Variants in ROBO1 observed in about 807,000 individuals in gnomAD.
ROBO1 encodes the protein roundabout homolog 1.
Under a neutral mutation model 195.9 loss-of-function variants are expected in ROBO1, and 149 were observed. That is an observed-to-expected ratio of 0.76 (90% confidence interval 0.67 to 0.87). The LOEUF is 0.87. Ranked by LOEUF, ROBO1 falls within the 40% of genes least tolerant of loss-of-function variation. The pLI is 0.00. For missense variants in ROBO1, 1,933 were observed against 2,068.3 expected, an observed-to-expected ratio of 0.93 and a Z score of 1.27; for synonymous variants, 816 against 733.2, an observed-to-expected ratio of 1.11 and a Z score of -1.82.
chr3:78,752,174 T>A (rs200013839), intron 4 of ROBO1, among the ~76,000 whole-genome samples: 19 of 151,970 alleles, frequency 1.3e-4, no homozygotes, highest in Non-Finnish European at 2.4e-4. Flanking sequence ...TACATAGTCA[T>A]AGTACAGAAA....
At chr3:78,976,238 C>T (rs968576905) in intron 3 of ROBO1, among the ~76,000 whole-genome samples, 1 of 152,122 alleles carries the variant, frequency 6.6e-6, no homozygotes, top group African/African-American at 2.4e-5. Context: ...GATCTTCATC[C>T]TATACTATGC....
chr3:78,953,873 G>A (rs1247606716), intron 3 of ROBO1, among the ~76,000 whole-genome samples: 2 of 151,960 alleles, frequency 1.3e-5, no homozygotes, highest in African/African-American at 4.8e-5. Flanking sequence ...ATATTACATT[G>A]ATCCATGAGT....
At chr3:78,930,240 GAAGTAAA>G (rs1420330606) in intron 4 of ROBO1, among the ~76,000 whole-genome samples, 1 of 152,132 alleles carries the variant, frequency 6.6e-6, no homozygotes, top group Non-Finnish European at 1.5e-5. Flanking sequence ...CATCACACAG[GAAGTAAA>G]ATATTTCTGA....
rs763695033 is a variant in ROBO1 at position 79,345,190 on chromosome 3, G to T, written c.89-219651C>A. On this transcript the variant is annotated intron_variant, in intron 2 of 30. Coordinates refer to ENST00000464233, the MANE Select transcript of ROBO1 (RefSeq NM_002941.4). ...TTCTTTCAACTGGGTACATTTCAGT[G>T]TATTTGAAATGTGTACACTAAAACA... Among the ~76,000 whole-genome samples, 4 of 152,174 alleles carry T rather than the reference G, an allele frequency of 2.6e-5. No homozygotes were observed. In the East Asian group the frequency reaches 7.7e-4, roughly 29 times the overall value.
intron 1 of ROBO1, among the ~76,000 whole-genome samples, chr3:79,691,682 C>T (rs989950760): frequency 2.0e-5 from 3 of 151,970 alleles, no homozygotes; most frequent in African/African-American, 7.2e-5. Context: ...TGTTAACCAG[C>T]TTCTTGCTAA....
chr3:79,100,297 A>G (rs1470774528), intron 3 of ROBO1, among the ~76,000 whole-genome samples: 1 of 151,822 alleles, frequency 6.6e-6, no homozygotes, highest in East Asian at 1.9e-4. Context: ...TGAGATAGTT[A>G]TTTCTCTCTT....
intron 2 of ROBO1, among the ~76,000 whole-genome samples, chr3:79,535,333 C>T (rs931813070): frequency 6.6e-6 from 1 of 152,058 alleles, no homozygotes; most frequent in Admixed American, 6.6e-5. Flanking sequence ...TGCAGATGTC[C>T]CTCCTCTAAA....
chr3:79,330,912 A>G (rs1014403196), intron 2 of ROBO1, among the ~76,000 whole-genome samples: 1 of 152,126 alleles, frequency 6.6e-6, no homozygotes, highest in African/African-American at 2.4e-5. Context: ...GGATTATATG[A>G]GCCCTCTGTG....
At chr3:79,554,365 C>A (rs144300575) in intron 2 of ROBO1, among the ~76,000 whole-genome samples, 73 of 151,976 alleles carry the variant, frequency 4.8e-4, no homozygotes, top group Admixed American at 1.4e-3. Flanking sequence ...ATAAGCAAAG[C>A]ACAAATAAAA....
Position 78,659,781 on chromosome 3 carries a change from T to C in ROBO1, c.2347A>G (p.Thr783Ala). Residue 783 changes from threonine (T) to alanine (A), a missense_variant, in exon 17 of 31, where the codon ACT becomes GCT. Coordinates refer to ENST00000464233, the MANE Select transcript of ROBO1 (RefSeq NM_002941.4). Reference sequence around the variant, plus strand: ...CCGTTTCCATCATTCTTGGATACAGTTACACCTTGGGGTGGGGCACTGGGT... The same window carrying C: ...CCGTTTCCATCATTCTTGGATACAGCTACACCTTGGGGTGGGGCACTGGGT... ...EAPSAPPQGV[T>A]VSKNDGNGTA... 1 of 1,604,856 alleles carries C rather than the reference T, an allele frequency of 6.2e-7. No individual in the cohort carries two copies. Among genetic ancestry groups the C allele is most frequent in the African/African-American group, 1.3e-5 (1 of 74,914 alleles).
intron 2 of ROBO1, among the ~76,000 whole-genome samples, chr3:79,559,684 T>C (rs1942835238): frequency 6.6e-6 from 1 of 152,060 alleles, no homozygotes; most frequent in Non-Finnish European, 1.5e-5. Context: ...TTTGGGAGGT[T>C]GAGGCGGGCA....
chr3:79,460,491 A>G (rs545987350), intron 2 of ROBO1, among the ~76,000 whole-genome samples: 1 of 152,326 alleles, frequency 6.6e-6, no homozygotes, highest in African/African-American at 2.4e-5. Flanking sequence ...CACAGTGAGG[A>G]ATAAACCAGA....
chr3:78,738,416 T>C (rs1559802466), intron 5 of ROBO1, among the ~76,000 whole-genome samples: 1 of 152,188 alleles, frequency 6.6e-6, no homozygotes, highest in Non-Finnish European at 1.5e-5. Flanking sequence ...TTTGTTTTGT[T>C]TTTTACTGCA....
At chr3:78,628,966 A>G (rs955403739) in intron 25 of ROBO1, among the ~76,000 whole-genome samples, 8 of 152,190 alleles carry the variant, frequency 5.3e-5, no homozygotes, top group African/African-American at 1.4e-4. Context: ...TATGCATCAC[A>G]TGCTGGCTAT....
intron 2 of ROBO1, among the ~76,000 whole-genome samples, chr3:79,478,912 T>A (rs753192061): frequency 9.2e-5 from 14 of 152,276 alleles, no homozygotes; most frequent in Middle Eastern, 3.4e-3. Flanking sequence ...CTGAATTAAC[T>A]AAAATCCAGA....
chr3:78,788,874 A>T (rs1040333383), intron 4 of ROBO1, among the ~76,000 whole-genome samples: 4 of 152,208 alleles, frequency 2.6e-5, no homozygotes, highest in African/African-American at 9.6e-5. Context: ...CATAATTTTT[A>T]AAATACATCT....
chr3:78,947,487 C>T (rs1178614902), intron 3 of ROBO1, among the ~76,000 whole-genome samples: 2 of 152,120 alleles, frequency 1.3e-5, no homozygotes, highest in East Asian at 1.9e-4. Flanking sequence ...AGAACAAAGT[C>T]ACAACATACC....
chr3:79,370,457 C>T (rs959898067), intron 2 of ROBO1, among the ~76,000 whole-genome samples: 29 of 151,942 alleles, frequency 1.9e-4, no homozygotes, highest in African/African-American at 6.5e-4. Context: ...ATGGGTAAGA[C>T]AATTATTATA....
At chr3:79,728,298 G>A (rs1056344341) in intron 1 of ROBO1, among the ~76,000 whole-genome samples, 6 of 152,002 alleles carry the variant, frequency 3.9e-5, no homozygotes, top group Non-Finnish European at 7.4e-5. Flanking sequence ...ATGGAGAGCT[G>A]AAAAAATCTC....
Sources: gnomAD v4.1 joint callset for allele counts (sites outside exome capture counted in the v4.1 genomes callset) on GRCh38, gnomAD v4.1.1 for gene constraint, MANE v1.5 for transcripts, NCBI Gene and HGNC (gene_info 2026-07-23, HGNC 2026-07-21) for gene names.